Variants in PRMT8 observed in about 807,000 individuals in gnomAD.
The protein encoded by PRMT8 is protein arginine methyltransferase 8, also known as protein arginine N-methyltransferase 8.
In PRMT8, 7 loss-of-function variants were observed where a neutral mutation model predicts 47.1. The ratio of observed to expected loss-of-function variants is 0.15; its 90% CI spans 0.08 to 0.28. PRMT8 has a LOEUF of 0.28. PRMT8 is among the 10% of genes least tolerant of loss of function. The pLI is 1.00. For missense variants in PRMT8, 237 were observed against 505.4 expected, an observed-to-expected ratio of 0.47 and a Z score of 5.09; for synonymous variants, 188 against 186.5, an observed-to-expected ratio of 1.01 and a Z score of -0.07.
chr12:3,449,996 T>C (rs1408703371), intron 1 of PRMT8, among the ~76,000 whole-genome samples: 1 of 152,204 alleles, frequency 6.6e-6, no homozygotes, highest in Non-Finnish European at 1.5e-5. Flanking sequence ...TCCTTTTAAA[T>C]GTCTTGATTA....
Position 3,402,611 on chromosome 12 carries a change from A to G in PRMT8, c.48+21169A>G, listed in dbSNP as rs572912719. 1.3e-4 allele frequency among the ~76,000 whole-genome samples: 20 copies of G among 152,354 alleles called. No individual in the cohort carries two copies. The South Asian group carries it at 3.9e-3, about 30-fold the overall frequency. On this transcript the variant is annotated intron_variant, in intron 1 of 9. Transcript: ENST00000452611. ...AATATCCATAGTCTATAAGGAACTT[A>G]AACAAATTTACAAGAATAAAACAAA... is the stretch of plus-strand genomic sequence containing the variant.
chr12:3,426,055 G>A (rs1483734800), intron 1 of PRMT8, among the ~76,000 whole-genome samples: 1 of 152,222 alleles, frequency 6.6e-6, no homozygotes, highest in Non-Finnish European at 1.5e-5. Flanking sequence ...GCAGGATTTC[G>A]GGATATAGCA....
Position 3,538,687 on chromosome 12 carries a change from G to A in PRMT8, c.76-1919G>A. ...GATATTGGGGTCAGCTTCATGCACG[G>A]AGCCTTCTTCAGCTTTAGAGGTGAT... is the stretch of plus-strand genomic sequence containing the variant. On this transcript the variant is annotated intron_variant, in intron 1 of 9. Coordinates refer to ENST00000382622, the MANE Select transcript of PRMT8 (RefSeq NM_019854.5). The surrounding 1 kb of genome is among the most constrained non-coding windows in gnomAD (Gnocchi z 4.6). The A allele has an allele frequency of 1.9e-6, 1 of 518,980 alleles. No individual in the cohort carries two copies. Among genetic ancestry groups the A allele is most frequent in the Non-Finnish European group, 3.8e-6 (1 of 259,868 alleles). The allele number at this position is 518,980 out of a possible 1,614,324, so 32.1% of individuals were successfully genotyped here. A position where few individuals can be genotyped will look rare whatever the true frequency, so the allele number is the denominator to read the frequency against.
chr12:3,445,677 A>C (rs930877329), intron 1 of PRMT8, among the ~76,000 whole-genome samples: 3 of 152,158 alleles, frequency 2.0e-5, no homozygotes, highest in African/African-American at 7.2e-5. Context: ...AGGTTGAAGG[A>C]ACGGCTCTGC....
intron 1 of PRMT8, among the ~76,000 whole-genome samples, chr12:3,464,452 A>G (rs894157249): frequency 2.0e-5 from 3 of 152,228 alleles, no homozygotes; most frequent in African/African-American, 7.2e-5. Flanking sequence ...GAAAATATCA[A>G]GACATTACTC....
intron 1 of PRMT8, among the ~76,000 whole-genome samples, chr12:3,498,442 T>C (rs758145554): frequency 2.6e-5 from 4 of 152,236 alleles, no homozygotes; most frequent in Non-Finnish European, 4.4e-5. Context: ...CTTTCCTTTT[T>C]CCAGGACGTC....
intron 1 of PRMT8, among the ~76,000 whole-genome samples, chr12:3,467,953 C>T (rs920054481): frequency 1.3e-5 from 2 of 152,180 alleles, no homozygotes; most frequent in African/African-American, 4.8e-5. Flanking sequence ...CTAACTGAGG[C>T]GGGGGCTCTT....
chr12:3,391,433 C>G (rs1864191879), intron 1 of PRMT8, among the ~76,000 whole-genome samples: 1 of 152,176 alleles, frequency 6.6e-6, no homozygotes, highest in Non-Finnish European at 1.5e-5. Flanking sequence ...GGAGAGGGAA[C>G]AGCCAGCACA....
At chr12:3,434,438 C>A (rs1864716230) in intron 1 of PRMT8, among the ~76,000 whole-genome samples, 1 of 152,218 alleles carries the variant, frequency 6.6e-6, no homozygotes, top group Non-Finnish European at 1.5e-5. Context: ...GCCACCTTTC[C>A]TCATTGCTAT....
intron 1 of PRMT8, among the ~76,000 whole-genome samples, chr12:3,384,609 G>T (rs1052251125): frequency 1.3e-5 from 2 of 152,238 alleles, no homozygotes; most frequent in Admixed American, 1.3e-4. Flanking sequence ...GGCTACAGAG[G>T]TCCCAGGTGC....
At chr12:3,588,823 C>A (rs1867236721) in intron 8 of PRMT8, among the ~76,000 whole-genome samples, 1 of 152,160 alleles carries the variant, frequency 6.6e-6, no homozygotes, top group African/African-American at 2.4e-5. Context: ...AGCAGGGAGG[C>A]ATCTTCAGAA....
At chr12:3,420,118 A>G (rs1477485661) in intron 1 of PRMT8, among the ~76,000 whole-genome samples, 1 of 151,974 alleles carries the variant, frequency 6.6e-6, no homozygotes, top group African/African-American at 2.4e-5. Context: ...AACCCACCTC[A>G]TATGGGATGT....
chr12:3,438,959 T>C (rs1354908541), intron 1 of PRMT8, among the ~76,000 whole-genome samples: 1 of 152,264 alleles, frequency 6.6e-6, no homozygotes, highest in African/African-American at 2.4e-5. Context: ...TTTTAATTTC[T>C]GTGATTTTCT....
chr12:3,540,897 T>C (rs1866216446), intron 2 of PRMT8, 106 bp downstream of exon 2: 1 of 1,295,954 alleles, frequency 7.7e-7, no homozygotes. Context: ...GTAAAGGGAG[T>C]GCTCCCAGTG....
chr12:3,536,534 C>G (rs888624810), intron 1 of PRMT8, among the ~76,000 whole-genome samples: 3 of 152,150 alleles, frequency 2.0e-5, no homozygotes, highest in African/African-American at 7.2e-5. Flanking sequence ...TGCACAATGC[C>G]CAGGCCAGCT....
chr12:3,522,053 A>T (rs1865887524), intron 1 of PRMT8, among the ~76,000 whole-genome samples: 1 of 152,168 alleles, frequency 6.6e-6, no homozygotes, highest in Admixed American at 6.5e-5. Flanking sequence ...CAGAAAGTAT[A>T]TTACTAAACT....
chr12:3,434,281 G>T (rs1006234634), intron 1 of PRMT8, among the ~76,000 whole-genome samples: 1 of 152,146 alleles, frequency 6.6e-6, no homozygotes, highest in Non-Finnish European at 1.5e-5. Context: ...CATTGAGCTC[G>T]TTTTTCTGAG....
chr12:3,591,717 T>C (rs1867310505), intron 8 of PRMT8, among the ~76,000 whole-genome samples: 1 of 152,072 alleles, frequency 6.6e-6, no homozygotes, highest in African/African-American at 2.4e-5. Flanking sequence ...AGTTGTAAGA[T>C]TGAGGACCAA....
intron 1 of PRMT8, among the ~76,000 whole-genome samples, chr12:3,445,480 C>G (rs1299970277): frequency 6.6e-6 from 1 of 152,168 alleles, no homozygotes; most frequent in Non-Finnish European, 1.5e-5. Flanking sequence ...TAAAACTTAG[C>G]CCAGTGCCTG....
Sources: gnomAD v4.1 joint callset for allele counts (sites outside exome capture counted in the v4.1 genomes callset) on GRCh38, gnomAD v4.1.1 for gene constraint, Gnocchi (gnomAD v3.1) non-coding constraint, MANE v1.5 for transcripts, NCBI Gene and HGNC (gene_info 2026-07-23, HGNC 2026-07-21) for gene names.